CUX1: variants seen among roughly 807,000 people sequenced by gnomAD.
CUX1 encodes the protein cut like homeobox 1, also known as protein CASP.
In CUX1, 31 loss-of-function variants were observed where a neutral mutation model predicts 158.8. The observed-to-expected ratio is 0.20, with a 90% CI of 0.15 to 0.26. CUX1 has a LOEUF of 0.26. Among genes scored for constraint, CUX1 ranks in the 10% least tolerant of loss-of-function variants. The probability of loss-of-function intolerance (pLI) is 1.00; values close to 1 mark genes in which losing one functional copy is unlikely to be tolerated. For missense variants in CUX1, 1,589 were observed against 2,014.6 expected (o/e 0.79, Z 4.04); for synonymous variants, 879 against 862.1 (o/e 1.02, Z -0.34).
chr7:102,024,599 T>C (rs1819768886), intron 2 of CUX1, among the ~76,000 whole-genome samples: 1 of 152,162 alleles, frequency 6.6e-6, no homozygotes, highest in South Asian at 2.1e-4. Flanking sequence ...AGTGCTGGGA[T>C]TACAGGTGTG....
At chr7:101,986,138 A>G (rs894941791) in intron 2 of CUX1, among the ~76,000 whole-genome samples, 1 of 152,254 alleles carries the variant, frequency 6.6e-6, no homozygotes, top group Admixed American at 6.5e-5. Context: ...AGGAACGCTT[A>G]CAGATAGAAA....
At chr7:102,099,557 T>C (rs1388208415) in intron 5 of CUX1, among the ~76,000 whole-genome samples, 3 of 151,790 alleles carry the variant, frequency 2.0e-5, no homozygotes, top group African/African-American at 7.3e-5. Context: ...TGAGTGTTTT[T>C]TATTTATTTA....
At chr7:102,158,240 A>T (rs1214922785) in intron 8 of CUX1, among the ~76,000 whole-genome samples, 2 of 151,496 alleles carry the variant, frequency 1.3e-5, no homozygotes, top group African/African-American at 4.9e-5. Context: ...TTTTCAGAGC[A>T]CTCTGCTCAG....
At chr7:101,984,089 A>ATAT (rs1554441567) in intron 2 of CUX1, among the ~76,000 whole-genome samples, 1 of 29,842 alleles carries the variant, frequency 3.4e-5, no homozygotes, top group Non-Finnish European at 7.0e-5. Context: ...AAAAAAAAAA[A>ATAT]ATATATATAT....
Position 102,253,820 on chromosome 7 carries a change from G to A in CUX1, c.*4778G>A. 1.0e-6 allele frequency: 1 copy of A among 985,638 alleles called. No homozygotes were observed. The highest frequency in any genetic ancestry group is 1.2e-6 in the Non-Finnish European group (1 of 830,136). The allele number at this position is 985,638 out of a possible 1,614,324, so 61.1% of individuals were successfully genotyped here. A position where few individuals can be genotyped will look rare whatever the true frequency, so the allele number is the denominator to read the frequency against. ...GGGGCATGAGCGGTGGGCGTGCTGG[G>A]CTATTTGCTGTGGTACTTTAGGCTG... On this transcript the variant is annotated 3_prime_UTR_variant, in exon 24 of 24. Coordinates refer to ENST00000292535, the MANE Select transcript of CUX1 (RefSeq NM_181552.4).
chr7:102,131,673 TA>T (rs1452284461), intron 8 of CUX1, among the ~76,000 whole-genome samples: 5 of 143,482 alleles, frequency 3.5e-5, no homozygotes, highest in South Asian at 4.5e-4. Flanking sequence ...TTATTTTATT[TA>T]TTTATTTTTT....
intron 4 of CUX1, among the ~76,000 whole-genome samples, chr7:102,086,410 T>C (rs185204385): frequency 7.0e-4 from 107 of 152,290 alleles, no homozygotes; most frequent in Admixed American, 2.0e-3. Flanking sequence ...TCTGTTCTTT[T>C]GAATTTATCA....
intron 2 of CUX1, among the ~76,000 whole-genome samples, chr7:101,984,125 TATATACACAC>T (rs1181788575): frequency 0.016 from 525 of 31,894 alleles, 46 homozygotes; most frequent in African/African-American, 0.051. Flanking sequence ...TATATATATA[TATATACACAC>T]ACACATATAT....
intron 8 of CUX1, among the ~76,000 whole-genome samples, chr7:102,129,562 T>A (rs968964438): frequency 3.3e-5 from 5 of 152,124 alleles, no homozygotes; most frequent in African/African-American, 1.2e-4. Context: ...TGGGTGCCTG[T>A]AATCCCAGCT....
intron 1 of CUX1, among the ~76,000 whole-genome samples, chr7:101,897,663 C>T (rs950022358): frequency 5.3e-5 from 8 of 152,314 alleles, no homozygotes; most frequent in African/African-American, 1.9e-4. Context: ...ACTGTTTTCA[C>T]ACCCAGCTTC....
At chr7:102,180,909 T>TTATTGTATTG (rs781996653) in intron 11 of CUX1, among the ~76,000 whole-genome samples, 4 of 108,806 alleles carry the variant, frequency 3.7e-5, no homozygotes, top group African/African-American at 2.1e-4. Context: ...TTATTTTATT[T>TTATTGTATTG]TATTTTATTG....
intron 1 of CUX1, among the ~76,000 whole-genome samples, chr7:101,907,510 G>A (rs1441401899): frequency 2.0e-5 from 3 of 151,870 alleles, no homozygotes; most frequent in Admixed American, 1.3e-4. Context: ...CACCACACCC[G>A]GCTAATTTTT....
intron 8 of CUX1, among the ~76,000 whole-genome samples, chr7:102,136,977 G>A (rs1443635341): frequency 3.3e-5 from 5 of 152,090 alleles, no homozygotes; most frequent in East Asian, 1.9e-4. Flanking sequence ...TTTGCTGAAC[G>A]CTTGATTGTC....
intron 3 of CUX1, among the ~76,000 whole-genome samples, chr7:102,037,747 A>G (rs1399698736): frequency 6.6e-6 from 1 of 151,996 alleles, no homozygotes; most frequent in Non-Finnish European, 1.5e-5. Flanking sequence ...TTTCATGGAA[A>G]GATACCCTAA....
At chr7:102,217,899 A>G (rs371255565) in intron 20 of CUX1, among the ~76,000 whole-genome samples, 1 of 122,160 alleles carries the variant, frequency 8.2e-6, no homozygotes, top group South Asian at 2.8e-4. Context: ...GGGAGGGAGG[A>G]TCTGGATGGA....
intron 17 of CUX1, chr7:102,277,943 C>A (rs782797555): frequency 1.5e-5 from 23 of 1,497,184 alleles, no homozygotes; most frequent in East Asian, 7.4e-5. Flanking sequence ...GCCCCTCCCC[C>A]CCCAGGAGAA....
At position 101,894,211 on chromosome 7, in the gene CUX1, A is replaced by G. The variant is rs115422252; in HGVS notation, c.31-21904A>G. On this transcript the variant is annotated intron_variant, in intron 1 of 23. Coordinates refer to ENST00000292535, the MANE Select transcript of CUX1 (RefSeq NM_181552.4). Reference sequence around the variant, plus strand: ...TTTCAAAAAACTTAAATTAGCTAACAAGGATGGGACTATTATAATTCCTCA... The same window carrying G: ...TTTCAAAAAACTTAAATTAGCTAACGAGGATGGGACTATTATAATTCCTCA... Among the ~76,000 whole-genome samples the G allele has an allele frequency of 2.2e-3, 338 of 152,388 alleles. 2 individuals carry two copies. The highest frequency in any genetic ancestry group is 7.8e-3 in the African/African-American group (325 of 41,592).
chr7:102,273,376 G>A (rs813000), exon 15 of CUX1: 417,952 of 1,610,654 alleles, frequency 0.26, 57,782 homozygotes, highest in East Asian at 0.5. Flanking sequence ...GACGCTGTGC[G>A]GAGCTGCAAG....
chr7:102,086,151 C>T (rs1554480404), intron 4 of CUX1, among the ~76,000 whole-genome samples: 2 of 151,860 alleles, frequency 1.3e-5, no homozygotes, highest in South Asian at 2.1e-4. Context: ...TGAATCCTCC[C>T]CCCGGGCTTT....
Sources: gnomAD v4.1 joint callset for allele counts (sites outside exome capture counted in the v4.1 genomes callset) on GRCh38, gnomAD v4.1.1 for gene constraint, MANE v1.5 for transcripts, NCBI Gene and HGNC (gene_info 2026-07-23, HGNC 2026-07-21) for gene names.